Variants in GRIK2 observed in about 807,000 individuals in gnomAD.
GRIK2 encodes the protein glutamate ionotropic receptor kainate type subunit 2, also known as glutamate receptor ionotropic, kainate 2.
Under a neutral mutation model 100.3 loss-of-function variants are expected in GRIK2, and 32 were observed. The observed-to-expected ratio is 0.32, with a 90% CI of 0.24 to 0.43. The LOEUF is 0.43. GRIK2 is among the 20% of genes least tolerant of loss of function. The pLI is 1.00. For missense variants in GRIK2, 843 were observed against 1,114.9 expected (o/e 0.76, Z 3.47); for synonymous variants, 417 against 389.4 (o/e 1.07, Z -0.83).
chr6:101,417,339 A>T (rs1406390161), intron 2 of GRIK2, among the ~76,000 whole-genome samples: 1 of 152,156 alleles, frequency 6.6e-6, no homozygotes, highest in Non-Finnish European at 1.5e-5. Context: ...AGTGACTTAC[A>T]TGTATGTAAG....
At chr6:101,741,477 C>A (rs769360059) in intron 7 of GRIK2, among the ~76,000 whole-genome samples, 1 of 152,112 alleles carries the variant, frequency 6.6e-6, no homozygotes, top group African/African-American at 2.4e-5. Context: ...ACATTGCAAA[C>A]CCTCAGGAGT....
At chr6:101,755,523 C>G (rs1007467071) in intron 7 of GRIK2, among the ~76,000 whole-genome samples, 2 of 152,130 alleles carry the variant, frequency 1.3e-5, no homozygotes, top group Non-Finnish European at 2.9e-5. Context: ...AAAATCTTTT[C>G]TACCTAGTCT....
chr6:101,592,334 G>T (rs1185849302), intron 2 of GRIK2, among the ~76,000 whole-genome samples: 1 of 151,880 alleles, frequency 6.6e-6, no homozygotes, highest in East Asian at 2.0e-4. Context: ...CAAATGGAAT[G>T]CTCCGAAGCT....
chr6:101,789,382 A>G (rs902435990), intron 7 of GRIK2, among the ~76,000 whole-genome samples: 1 of 152,118 alleles, frequency 6.6e-6, no homozygotes, highest in Non-Finnish European at 1.5e-5. Context: ...TAATTTTTGT[A>G]TAAGGTGTAA....
intron 7 of GRIK2, among the ~76,000 whole-genome samples, chr6:101,786,209 C>A (rs1779412042): frequency 6.6e-6 from 1 of 151,074 alleles, no homozygotes; most frequent in African/African-American, 2.4e-5. Context: ...TTGGTGGAGT[C>A]TTTAGGTTTT....
intron 4 of GRIK2, among the ~76,000 whole-genome samples, chr6:101,639,544 G>A (rs1485200968): frequency 6.6e-6 from 1 of 151,982 alleles, no homozygotes; most frequent in Non-Finnish European, 1.5e-5. Flanking sequence ...CATAAAAATT[G>A]AGTGCCACTG....
At chr6:102,031,102 CA>C (rs1351937319) in intron 14 of GRIK2, among the ~76,000 whole-genome samples, 2 of 139,816 alleles carry the variant, frequency 1.4e-5, no homozygotes, top group African/African-American at 5.1e-5. Flanking sequence ...CACACACACA[CA>C]CACACACACA....
At chr6:101,477,071 A>G (rs961789823) in intron 2 of GRIK2, among the ~76,000 whole-genome samples, 9 of 152,282 alleles carry the variant, frequency 5.9e-5, no homozygotes, top group South Asian at 4.1e-4. Context: ...CTAAGATTCT[A>G]CCTAGTTTAT....
At chr6:101,522,731 A>G (rs1774940208) in intron 2 of GRIK2, among the ~76,000 whole-genome samples, 1 of 151,930 alleles carries the variant, frequency 6.6e-6, no homozygotes, top group Non-Finnish European at 1.5e-5. Flanking sequence ...ATGCTCTCAT[A>G]ACCACGTGTT....
At chr6:101,740,982 A>G (rs1323517775) in intron 7 of GRIK2, among the ~76,000 whole-genome samples, 1 of 152,210 alleles carries the variant, frequency 6.6e-6, no homozygotes, top group Non-Finnish European at 1.5e-5. Flanking sequence ...TATCCAATCT[A>G]TATCAGCCTG....
chr6:102,024,112 G>T (rs1053024126), intron 14 of GRIK2, among the ~76,000 whole-genome samples: 3 of 150,846 alleles, frequency 2.0e-5, no homozygotes, highest in Non-Finnish European at 4.5e-5. Flanking sequence ...ACCATGATTG[G>T]CTGAAGCACT....
chr6:101,959,337 G>A (rs2128481787), intron 14 of GRIK2, among the ~76,000 whole-genome samples: 1 of 151,978 alleles, frequency 6.6e-6, no homozygotes, highest in South Asian at 2.1e-4. Context: ...ACAGTCTTAG[G>A]AGAAATTTTC....
intron 2 of GRIK2, 28 bp from the exon 3 acceptor site, chr6:101,621,921 T>G: frequency 6.6e-7 from 1 of 1,511,246 alleles, no homozygotes; most frequent in Non-Finnish European, 9.2e-7. Context: ...CTTGTAAAAT[T>G]TATGATTTTT....
At chr6:101,858,376 A>ATTTTTTTTTTTTT (rs66505184) in intron 10 of GRIK2, among the ~76,000 whole-genome samples, 1 of 125,468 alleles carries the variant, frequency 8.0e-6, no homozygotes. Context: ...CTCTCTCTCT[A>ATTTTTTTTTTTTT]TTTTTTTTTC....
chr6:101,485,997 T>C (rs187044497), intron 2 of GRIK2, among the ~76,000 whole-genome samples: 16 of 151,972 alleles, frequency 1.1e-4, no homozygotes, highest in African/African-American at 3.4e-4. Context: ...ATTAAACCTA[T>C]GGGTTTCTAG....
rs549832481 is a variant in GRIK2 at position 101,890,794 on chromosome 6, TAAG to T, written c.1748+936_1748+938del. Among the ~76,000 whole-genome samples the T allele has an allele frequency of 3.1e-4, 47 of 152,070 alleles. 1 individual carries two copies. The highest frequency in any genetic ancestry group is 8.3e-4 in the South Asian group (4 of 4,816). On this transcript the variant is annotated intron_variant, in intron 12 of 16. Transcript: ENST00000369134. ...GATTTAATTTAACTTTTGCTTTAAT[TAAG>T]AAGATTAGTATTGTGCCTCAGGACT...
At chr6:101,766,873 T>C (rs1778073876) in intron 7 of GRIK2, among the ~76,000 whole-genome samples, 1 of 152,224 alleles carries the variant, frequency 6.6e-6, no homozygotes. Flanking sequence ...ATGTTCATTT[T>C]TGGAAAATAA....
intron 7 of GRIK2, among the ~76,000 whole-genome samples, chr6:101,787,247 T>C (rs1387892514): frequency 1.3e-5 from 2 of 151,920 alleles, no homozygotes; most frequent in African/African-American, 2.4e-5. Context: ...GTCAATTTTT[T>C]TTAAAGACTT....
intron 2 of GRIK2, among the ~76,000 whole-genome samples, chr6:101,501,729 T>C (rs978550810): frequency 6.6e-6 from 1 of 152,148 alleles, no homozygotes; most frequent in African/African-American, 2.4e-5. Flanking sequence ...TATGTGACCA[T>C]GGGAAAGTTC....
Sources: allele counts gnomAD v4.1 joint callset (sites outside exome capture counted in the v4.1 genomes callset), GRCh38; gene constraint gnomAD v4.1.1; transcripts MANE v1.5; gene names NCBI Gene and HGNC (gene_info 2026-07-23, HGNC 2026-07-21).